The following MSI2 variants were observed in gnomAD, a reference collection of about 807,000 sequenced individuals.
The protein encoded by MSI2 is musashi RNA binding protein 2.
In MSI2, 17 loss-of-function variants were observed where a neutral mutation model predicts 45.6. The ratio of observed to expected loss-of-function variants is 0.37; its 90% CI spans 0.26 to 0.56. The LOEUF is 0.56. Among genes scored for constraint, MSI2 ranks in the 20% least tolerant of loss-of-function variants. The probability of loss-of-function intolerance (pLI) is 0.77; values close to 1 mark genes in which losing one functional copy is unlikely to be tolerated. For synonymous variants in MSI2, 156 were observed against 158.2 expected, an observed-to-expected ratio of 0.99 and a Z score of 0.11; for missense variants, 293 against 444.2, an observed-to-expected ratio of 0.66 and a Z score of 3.06.
At position 57,611,529 on chromosome 17, in the gene MSI2, C is replaced by T. The variant is rs567937752; in HGVS notation, c.538-4441C>T. The stretch of plus-strand genomic sequence containing the variant: ...ATTATCCCTAGAGCCCCCTCCCACA[C>T]GGACTCTAGGCTGGCCCAGTGTCAC... On this transcript the variant is annotated intron_variant, in intron 8 of 13. Transcript: ENST00000284073. 1.6e-4 allele frequency among the ~76,000 whole-genome samples: 15 copies of T among 96,748 alleles called. 4 individuals are homozygous for T. The highest frequency in any genetic ancestry group is 1.1e-3 in the South Asian group (3 of 2,702). 63.5% of individuals were successfully genotyped at this position (96,748 alleles called of 152,430 possible). A position where few individuals can be genotyped will look rare whatever the true frequency, so the allele number is the denominator to read the frequency against.
chr17:57,510,724 G>A (rs2086337118), intron 6 of MSI2, among the ~76,000 whole-genome samples: 1 of 152,176 alleles, frequency 6.6e-6, no homozygotes, highest in African/African-American at 2.4e-5. Flanking sequence ...CACCACACCC[G>A]GCCTCCTCTT....
intron 6 of MSI2, among the ~76,000 whole-genome samples, chr17:57,495,547 A>AAAAAG (rs1555613507): frequency 5.1e-4 from 76 of 149,704 alleles, no homozygotes; most frequent in African/African-American, 1.8e-3. Context: ...AAAAAAAAAA[A>AAAAAG]AAAAAGAAAG....
rs551776326 is a variant in MSI2 at position 57,648,173 on chromosome 17, G to T, written c.728-3926G>T. Among the ~76,000 whole-genome samples, 503 of 147,698 alleles carry T rather than the reference G, an allele frequency of 3.4e-3. 5 individuals carry two copies. Among genetic ancestry groups the T allele is most frequent in the African/African-American group, 0.012 (479 of 39,156 alleles). ...TGTGTGTGTGTGTGTGTGTGTGTGT[G>T]TGTGTGTGTTTGTAGTGACAGGGTT... On this transcript the variant is annotated intron_variant, in intron 10 of 13. Coordinates refer to ENST00000284073, the MANE Select transcript of MSI2 (RefSeq NM_138962.4).
the MSI2 span, among the ~76,000 whole-genome samples, chr17:57,690,651 A>G: frequency 1.3e-5 from 2 of 152,166 alleles, no homozygotes; most frequent in African/African-American, 2.4e-5. Context: ...GCTTGTTTAC[A>G]TATTAAGTTT....
At chr17:57,671,798 G>C (rs968556297) in intron 11 of MSI2, among the ~76,000 whole-genome samples, 1 of 152,244 alleles carries the variant, frequency 6.6e-6, no homozygotes, top group Non-Finnish European at 1.5e-5. Context: ...TGTGCCGAGT[G>C]GCAGTCCCCA....
chr17:57,302,298 CAG>C (rs1336284360), intron 5 of MSI2, among the ~76,000 whole-genome samples: 1 of 152,072 alleles, frequency 6.6e-6, no homozygotes, highest in African/African-American at 2.4e-5. Flanking sequence ...GTTTTTGAGA[CAG>C]GGTCTTGCTG....
At chr17:57,378,750 G>A (rs1224572866) in intron 5 of MSI2, among the ~76,000 whole-genome samples, 1 of 152,148 alleles carries the variant, frequency 6.6e-6, no homozygotes, top group Non-Finnish European at 1.5e-5. Flanking sequence ...AGGGGTGTTG[G>A]CATACCAGGC....
chr17:57,489,561 C>T (rs1346576130), intron 6 of MSI2, among the ~76,000 whole-genome samples: 5 of 152,218 alleles, frequency 3.3e-5, no homozygotes, highest in African/African-American at 1.2e-4. Context: ...GCCGGCGGGG[C>T]CAGCTGGTAC....
chr17:57,647,968 T>G (rs943506875), intron 10 of MSI2, among the ~76,000 whole-genome samples: 16 of 149,560 alleles, frequency 1.1e-4, no homozygotes, highest in Admixed American at 5.4e-4. Flanking sequence ...TTTGTTTGTT[T>G]GTTTGTTTGT....
intron 6 of MSI2, among the ~76,000 whole-genome samples, chr17:57,480,459 G>A (rs2085626647): frequency 6.6e-6 from 1 of 152,202 alleles, no homozygotes; most frequent in African/African-American, 2.4e-5. Context: ...ATTAACTGAA[G>A]TTCAGGCTCC....
At position 57,677,005 on chromosome 17, in the gene MSI2, G is replaced by A; in HGVS notation, c.964G>A (p.Ala322Thr). ...HGIAGPLIAT[A>T]FTNGYH The stretch of plus-strand genomic sequence containing the variant: ...ATTTTAGGGACCTTTGATTGCAACG[G>A]CCTTTACAAATGGATACCATTGAGC... The change falls in exon 13 of 14, where the codon GCC becomes ACC. Residue 322 changes from alanine (A) to threonine (T), a missense_variant. Physicochemically the swap from Ala to Thr is moderately conservative, Grantham distance 58. Transcript: ENST00000284073. 1 of 1,613,292 alleles carries A rather than the reference G, an allele frequency of 6.2e-7. No individual in the cohort carries two copies. Among genetic ancestry groups the A allele is most frequent in the Non-Finnish European group, 8.5e-7 (1 of 1,179,226 alleles).
chr17:57,291,084 C>T (rs933185037), intron 5 of MSI2, among the ~76,000 whole-genome samples: 3 of 152,140 alleles, frequency 2.0e-5, no homozygotes, highest in African/African-American at 7.2e-5. Flanking sequence ...CCCTGTTTTT[C>T]AGCTCAGCCA....
intron 7 of MSI2, among the ~76,000 whole-genome samples, chr17:57,565,448 C>A (rs144368525): frequency 1.3e-5 from 2 of 152,184 alleles, no homozygotes; most frequent in African/African-American, 4.8e-5. Flanking sequence ...AATGTCCGTC[C>A]CTGCCCCTTT....
chr17:57,258,220 A>G (rs779884638), intron 3 of MSI2, 50 bp from the exon 4 acceptor site: 78 of 1,554,912 alleles, frequency 5.0e-5, no homozygotes, highest in Non-Finnish European at 6.4e-5. Context: ...GTTGCTTTCA[A>G]TGGTGTCACA....
At chr17:57,419,058 C>G (rs1400011704) in intron 6 of MSI2, among the ~76,000 whole-genome samples, 1 of 152,166 alleles carries the variant, frequency 6.6e-6, no homozygotes, top group Non-Finnish European at 1.5e-5. Context: ...ATGTAATTTA[C>G]ACAAATTAGT....
chr17:57,367,254 C>G (rs145788605), intron 5 of MSI2, among the ~76,000 whole-genome samples: 6 of 152,092 alleles, frequency 3.9e-5, no homozygotes, highest in Non-Finnish European at 7.3e-5. Context: ...GAACAAGATG[C>G]GTGGGTGTGT....
At chr17:57,259,173 C>T (rs1907089721) in intron 4 of MSI2, among the ~76,000 whole-genome samples, 1 of 152,074 alleles carries the variant, frequency 6.6e-6, no homozygotes, top group African/African-American at 2.4e-5. Flanking sequence ...CTCCTCCCTT[C>T]CCTTTATGTC....
intron 8 of MSI2, among the ~76,000 whole-genome samples, chr17:57,604,749 G>A (rs1906334812): frequency 6.6e-6 from 1 of 152,198 alleles, no homozygotes; most frequent in African/African-American, 2.4e-5. Context: ...AAGGGAGGAG[G>A]GTCCTGAGCT....
At chr17:57,427,649 G>A (rs750407665) in intron 6 of MSI2, among the ~76,000 whole-genome samples, 13 of 152,140 alleles carry the variant, frequency 8.5e-5, no homozygotes, top group Non-Finnish European at 1.6e-4. Flanking sequence ...ATGTTGCCAT[G>A]TCATTAATTA....
Sources: allele counts gnomAD v4.1 joint callset (sites outside exome capture counted in the v4.1 genomes callset), GRCh38; gene constraint gnomAD v4.1.1; transcripts MANE v1.5; gene names NCBI Gene and HGNC (gene_info 2026-07-23, HGNC 2026-07-21).